FLII: variants seen among roughly 807,000 people sequenced by gnomAD.
FLII encodes protein flightless-1 homolog.
A neutral mutation model predicts 156.2 loss-of-function variants in FLII; 101 were observed. The ratio of observed to expected loss-of-function variants is 0.65; its 90% CI spans 0.55 to 0.76. FLII has a LOEUF of 0.76. Ranked by LOEUF, FLII falls within the 30% of genes least tolerant of loss-of-function variation. The probability of loss-of-function intolerance (pLI) is 0.00; values close to 1 mark genes in which losing one functional copy is unlikely to be tolerated. For missense variants in FLII, 1,675 were observed against 1,682.8 expected, an observed-to-expected ratio of 1.00 and a Z score of 0.08; for synonymous variants, 767 against 685.8, an observed-to-expected ratio of 1.12 and a Z score of -1.85.
intron 1 of FLII, chr17:18,257,273 A>C: frequency 2.1e-6 from 1 of 472,278 alleles, no homozygotes; most frequent in Non-Finnish European, 3.8e-6. Flanking sequence ...GCCAGGACAA[A>C]ACTGGCTTGT....
At chr17:18,257,122 A>C (rs1597926462) in intron 1 of FLII, 103 bp from the exon 2 acceptor site, 16 of 654,898 alleles carry the variant, frequency 2.4e-5, no homozygotes, top group Non-Finnish European at 4.3e-5. Flanking sequence ...ACCAACTCTC[A>C]CCATCTGTGA....
intron 21 of FLII, 46 bp downstream of exon 21, chr17:18,247,123 G>GGGGGGGCCCC: frequency 8.0e-7 from 1 of 1,249,072 alleles, no homozygotes; most frequent in Non-Finnish European, 1.0e-6. Flanking sequence ...CCCTCGGCCT[G>GGGGGGGCCCC]CCCCCCACCC....
Position 18,248,045 on chromosome 17 carries a change from G to A in FLII, c.2191-12C>T. On this transcript the variant is annotated splice_polypyrimidine_tract_variant and intron_variant, in intron 18 of 29. Coordinates refer to ENST00000327031, the MANE Select transcript of FLII (RefSeq NM_002018.4). ...AAGCCCAGGCCCACCTGGCAGGAAG[G>A]ATGAGCATGGCAGGGAAGGGATCTG... 2 of 1,587,514 alleles carry A rather than the reference G, an allele frequency of 1.3e-6. No homozygotes were observed. Among genetic ancestry groups the A allele is most frequent in the Non-Finnish European group, 1.7e-6 (2 of 1,157,042 alleles).
At position 18,253,659 on chromosome 17, in the gene FLII, C is replaced by A. The variant is rs1447368045; in HGVS notation, c.740G>T (p.Ser247Ile). The A allele has an allele frequency of 6.2e-7, 1 of 1,613,846 alleles. No homozygotes were observed. Among genetic ancestry groups the A allele is most frequent in the Admixed American group, 1.7e-5 (1 of 60,022 alleles). ...RVPECLYTLP[S>I]LRRLNLSSNQ... ...GCTGCTGAGGTTGAGGCGGCGCAGG[C>A]TGGGGAGGGTGTACAGACACTCGGG... Residue 247 changes from serine to isoleucine, a missense_variant, in exon 8 of 30, where the codon AGC becomes ATC. Physicochemically the swap from Ser to Ile is moderately radical, Grantham distance 142. Coordinates refer to ENST00000327031, the MANE Select transcript of FLII (RefSeq NM_002018.4).
rs368493265 is a variant in FLII at position 18,246,186 on chromosome 17, G to C, written c.3243C>G (p.Asn1081Lys). Residue 1081 changes from asparagine to lysine, a missense_variant, in exon 25 of 30, where the codon AAC (asparagine) becomes AAG (lysine). Around this residue, in one of 2 missense-constraint regions of FLII, gnomAD observed 1,332 missense variants for 1,269.3 expected, o/e 1.05. Transcript: ENST00000327031. ...IQINTDSSLLNSEFCFILKVP... is the reference protein window; with the variant it reads ...IQINTDSSLLKSEFCFILKVP... ...CCTTGAGGATGAAGCAGAACTCGGA[G>C]TTGAGGAGGCTGGAGTCGGTGTTGA... The C allele has an allele frequency of 6.2e-7, 1 of 1,614,068 alleles. No individual in the cohort carries two copies. Among genetic ancestry groups the C allele is most frequent in the Non-Finnish European group, 8.5e-7 (1 of 1,180,036 alleles).
intron 9 of FLII, 83 bp downstream of exon 9, chr17:18,253,218 C>T (rs1263845091): frequency 6.9e-7 from 1 of 1,446,014 alleles, no homozygotes; most frequent in Non-Finnish European, 9.6e-7. Flanking sequence ...CTGACTTGCA[C>T]AGACCACAAG....
chr17:18,253,137 G>A (rs971705991), intron 9 of FLII, among the ~76,000 whole-genome samples, 164 bp downstream of exon 9: 5 of 152,178 alleles, frequency 3.3e-5, no homozygotes, highest in African/African-American at 9.7e-5. Context: ...GCGACAGAGC[G>A]AGACTCTGTC....
intron 2 of FLII, 140 bp from the exon 3 acceptor site, chr17:18,256,737 A>G (rs2048430003): frequency 1.2e-6 from 1 of 823,832 alleles, no homozygotes; most frequent in African/African-American, 1.7e-5. Context: ...TCCCTCACTC[A>G]CCCGGCCTCT....
In FLII at chr17:18,251,464, G is replaced by A; in HGVS notation, c.1397C>T (p.Ala466Val). The change falls in exon 13 of 30, where the codon GCC (alanine) becomes GTC (valine). Residue 466 changes from alanine to valine, a missense_variant. Coordinates refer to ENST00000327031, the MANE Select transcript of FLII (RefSeq NM_002018.4). Reference protein sequence around the residue: ...KNKKQEESADARAPSGKVRRW... With the variant: ...KNKKQEESADVRAPSGKVRRW... ...CCGCACCTTCCCGCTGGGGGCCCGGGCATCTGCGCTCTCCTGGGGGCAGAG... is the reference window on the plus strand; with the variant it reads ...CCGCACCTTCCCGCTGGGGGCCCGGACATCTGCGCTCTCCTGGGGGCAGAG... The A allele has an allele frequency of 6.2e-7, 1 of 1,606,314 alleles. No homozygotes were observed. Among genetic ancestry groups the A allele is most frequent in the Non-Finnish European group, 8.5e-7 (1 of 1,176,108 alleles).
At chr17:18,249,286 G>C (rs761499377) in intron 15 of FLII, 40 bp downstream of exon 15, 2 of 1,610,634 alleles carry the variant, frequency 1.2e-6, no homozygotes, top group South Asian at 2.2e-5. Context: ...CTTGCCAGCA[G>C]ACTCCAGGTC....
intron 3 of FLII, among the ~76,000 whole-genome samples, chr17:18,255,507 G>A (rs1223295703): frequency 6.6e-6 from 1 of 152,164 alleles, no homozygotes; most frequent in Non-Finnish European, 1.5e-5. Flanking sequence ...GGCCCTCAGG[G>A]AACCTTTTCT....
chr17:18,256,565 G>C lies in FLII; in HGVS notation c.207C>G (p.Thr69=), dbSNP rs1203796476. Residue 69 remains threonine, a synonymous_variant, in exon 3 of 30, where the codon ACC becomes ACG. Transcript: ENST00000327031. ...GGCTGGACAGCTCCCCATGAAGCGTGGTCAGGTTGTTGTGGCTCACAGACA... is the reference window on the plus strand; with the variant it reads ...GGCTGGACAGCTCCCCATGAAGCGTCGTCAGGTTGTTGTGGCTCACAGACA... ...EHLSVSHNNL[T]TLHGELSSLP... The C allele has an allele frequency of 1.9e-6, 3 of 1,551,606 alleles. No individual in the cohort carries two copies. The South Asian group carries it at 3.6e-5, about 18-fold the overall frequency.
intron 3 of FLII, among the ~76,000 whole-genome samples, 167 bp downstream of exon 3, chr17:18,256,358 CT>C (rs556822898): frequency 1.3e-5 from 2 of 152,380 alleles, no homozygotes; most frequent in East Asian, 3.9e-4. Context: ...ACACAGGGCA[CT>C]GCTGTAACCT....
chr17:18,256,196 G>C (rs1457716739), intron 3 of FLII, among the ~76,000 whole-genome samples: 1 of 152,268 alleles, frequency 6.6e-6, no homozygotes, highest in Admixed American at 6.5e-5. Flanking sequence ...TGGAGGGCTA[G>C]AGCATATGAA....
rs879805400 is a variant in FLII at position 18,247,471 on chromosome 17, CG to C, written c.2488-115del. Reference sequence around the variant, plus strand: ...GAGATCTAGGGCGGGGCTTGGGAGGCGGGGCCTCGGACACGGAGGTAGGAAT... The same window carrying C: ...GAGATCTAGGGCGGGGCTTGGGAGGCGGGCCTCGGACACGGAGGTAGGAAT... On this transcript the variant is annotated intron_variant, in intron 20 of 29. Coordinates refer to ENST00000327031, the MANE Select transcript of FLII (RefSeq NM_002018.4). 4,175 of 1,154,934 alleles carry C rather than the reference CG, an allele frequency of 3.6e-3. 11 individuals carry two copies. The highest frequency in any genetic ancestry group is 4.2e-3 in the Non-Finnish European group (3,446 of 812,062). 71.5% of individuals were successfully genotyped at this position (1,154,934 alleles called of 1,614,324 possible).
At chr17:18,254,400 C>A (rs1597920068) in intron 6 of FLII, 121 bp downstream of exon 6, 1 of 1,030,598 alleles carries the variant, frequency 9.7e-7, no homozygotes, top group Non-Finnish European at 1.4e-6. Flanking sequence ...CTGAGGGGTG[C>A]TGCCTGCACG....
At chr17:18,256,718 C>A (rs913418594) in intron 2 of FLII, 121 bp from the exon 3 acceptor site, 12 of 904,902 alleles carry the variant, frequency 1.3e-5, no homozygotes, top group Middle Eastern at 4.4e-4. Context: ...ACTACCCCTG[C>A]AGCTTCCCTC....
intron 4 of FLII, 81 bp from the exon 5 acceptor site, chr17:18,254,935 A>G: frequency 7.0e-7 from 1 of 1,427,586 alleles, no homozygotes; most frequent in Non-Finnish European, 9.9e-7. Flanking sequence ...CAGGCAGGGC[A>G]CTGAGTTGGG....
rs375508507 is a variant in FLII, at chr17:18,251,386, G to A, written c.1475C>T (p.Thr492Met). 37 of 1,613,610 alleles carry A rather than the reference G, an allele frequency of 2.3e-5. No homozygotes were observed. Among genetic ancestry groups the A allele is most frequent in the Middle Eastern group, 1.6e-4 (1 of 6,062 alleles). Residue 492 changes from threonine (T) to methionine (M), a missense_variant, in exon 13 of 30, where the codon ACG becomes ATG. Thr to Met is a moderately conservative substitution (Grantham distance 81). Around this residue, in one of 2 missense-constraint regions of FLII, gnomAD observed 1,332 missense variants for 1,269.3 expected, o/e 1.05. Transcript: ENST00000327031. ...KPRLDYSEFF[T>M]EDVGQLPGLT... is the part of the protein sequence containing the mutation. The stretch of plus-strand genomic sequence containing the variant: ...TCCGGGCAGCTGGCCCACGTCCTCC[G>A]TGAAGAACTCGGAGTAGTCAAGGCG...
Sources: gnomAD v4.1 joint callset for allele counts (sites outside exome capture counted in the v4.1 genomes callset) on GRCh38, gnomAD v4.1.1 for gene constraint, gnomAD v4.1.1 regional missense constraint, MANE v1.5 for transcripts, NCBI Gene and HGNC (gene_info 2026-07-23, HGNC 2026-07-21) for gene names.